Variants in TMEM38B observed in about 807,000 individuals in gnomAD.
TMEM38B encodes the protein transmembrane protein 38B, also known as trimeric intracellular cation channel type B.
A neutral mutation model predicts 28.7 loss-of-function variants in TMEM38B; 24 were observed. The ratio of observed to expected loss-of-function variants is 0.84; its 90% CI spans 0.61 to 1.18. The LOEUF is 1.18. TMEM38B is among the 50% of genes most tolerant of loss of function. The pLI, the probability that TMEM38B is intolerant of heterozygous loss-of-function variation, is 0.00. For missense variants in TMEM38B, 380 were observed against 350.9 expected (o/e 1.08, Z -0.66); for synonymous variants, 131 against 127.7 (o/e 1.03, Z -0.17).
At chr9:105,710,757 G>T in intron 2 of TMEM38B, 1 of 567,954 alleles carries the variant, frequency 1.8e-6, no homozygotes, top group Admixed American at 2.0e-5. Flanking sequence ...GAGACATGTT[G>T]GGGAGACGGC....
At position 105,705,690 on chromosome 9, in the gene TMEM38B, T is replaced by C; in HGVS notation, c.206T>C (p.Leu69Pro). Reference protein sequence around the residue: ...FGGGILSCLLLAEPPLKFLAN... With the variant: ...FGGGILSCLLPAEPPLKFLAN... ...GGAGGAATTTTATCCTGTCTACTGC[T>C]TGCAGAGCCTCCATTGAAGTTTCTT... Residue 69 changes from leucine to proline, a missense_variant, in exon 2 of 6, where the codon CTT (leucine) becomes CCT (proline). Leu to Pro is a moderately conservative substitution (Grantham distance 98). Transcript: ENST00000374692. 1 of 1,614,034 alleles carries C rather than the reference T, an allele frequency of 6.2e-7. No individual in the cohort carries two copies. Among genetic ancestry groups the C allele is most frequent in the East Asian group, 2.2e-5 (1 of 44,864 alleles).
chr9:105,702,873 T>A (rs948375984), intron 1 of TMEM38B: 3 of 151,872 alleles, frequency 2.0e-5, no homozygotes, highest in Non-Finnish European at 4.4e-5. Flanking sequence ...GAGATGGGAG[T>A]CTTGCTATGT....
rs1468017522 is a variant in TMEM38B, at chr9:105,774,354, T to G, written c.*274T>G. 8.8e-6 allele frequency: 2 copies of G among 226,966 alleles called. No homozygotes were observed. The highest frequency in any genetic ancestry group is 1.7e-5 in the Non-Finnish European group (2 of 117,746). 14.1% of individuals were successfully genotyped at this position (226,966 alleles called of 1,614,324 possible). ...TTATATTAATAAAAGAAGACAAAAT[T>G]TTTTAAATGTTAGAAAAAGCAGATC... On this transcript the variant is annotated 3_prime_UTR_variant, in exon 6 of 6. Transcript: ENST00000374692.
chr9:105,696,470 G>A (rs1234749770), intron 1 of TMEM38B, among the ~76,000 whole-genome samples: 1 of 152,028 alleles, frequency 6.6e-6, no homozygotes, highest in Non-Finnish European at 1.5e-5. Context: ...TTTTAGTAGT[G>A]GAGACGGGGT....
chr9:105,715,125 G>A (rs914244846), intron 2 of TMEM38B, among the ~76,000 whole-genome samples: 1 of 152,054 alleles, frequency 6.6e-6, no homozygotes, highest in African/African-American at 2.4e-5. Flanking sequence ...GCACACAGTA[G>A]TCTTAGAGTA....
At chr9:105,750,419 T>C (rs1837604727) in intron 5 of TMEM38B, among the ~76,000 whole-genome samples, 1 of 151,706 alleles carries the variant, frequency 6.6e-6, no homozygotes, top group Admixed American at 6.6e-5. Flanking sequence ...AGGTCAGGAG[T>C]TTGAGACCAG....
chr9:105,744,238 C>T (rs888894179), intron 4 of TMEM38B, among the ~76,000 whole-genome samples: 1 of 151,774 alleles, frequency 6.6e-6, no homozygotes, highest in African/African-American at 2.4e-5. Context: ...AGGCTGTGAA[C>T]AATTTACAAA....
chr9:105,763,689 C>T (rs1193492143), intron 5 of TMEM38B, among the ~76,000 whole-genome samples: 1 of 152,120 alleles, frequency 6.6e-6, no homozygotes, highest in Non-Finnish European at 1.5e-5. Flanking sequence ...TGAAACTATT[C>T]CAATCAATAG....
At chr9:105,720,565 T>G (rs1836278951) in intron 2 of TMEM38B, among the ~76,000 whole-genome samples, 1 of 152,122 alleles carries the variant, frequency 6.6e-6, no homozygotes, top group Non-Finnish European at 1.5e-5. Context: ...CTAAACAGAC[T>G]ATTGTATCTT....
chr9:105,709,623 A>C (rs1327652110), intron 2 of TMEM38B, among the ~76,000 whole-genome samples: 7 of 152,234 alleles, frequency 4.6e-5, no homozygotes, highest in Non-Finnish European at 1.0e-4. Context: ...ATATTTGCTG[A>C]ACATACTGAC....
intron 2 of TMEM38B, among the ~76,000 whole-genome samples, chr9:105,706,425 G>A (rs1218973746): frequency 1.3e-5 from 2 of 152,218 alleles, no homozygotes; most frequent in Non-Finnish European, 2.9e-5. Context: ...GATATTTATT[G>A]TGAGGTACAC....
At chr9:105,736,835 A>G (rs1263894927) in intron 4 of TMEM38B, among the ~76,000 whole-genome samples, 1 of 152,198 alleles carries the variant, frequency 6.6e-6, no homozygotes, top group Non-Finnish European at 1.5e-5. Flanking sequence ...ACACTGGTGT[A>G]GTTTCTGTGC....
intron 5 of TMEM38B, among the ~76,000 whole-genome samples, chr9:105,765,527 G>A (rs1327085871): frequency 6.6e-6 from 1 of 152,114 alleles, no homozygotes; most frequent in East Asian, 1.9e-4. Flanking sequence ...CATAGCCCCA[G>A]TATACCATTT....
chr9:105,765,254 A>G (rs1185515900), intron 5 of TMEM38B, among the ~76,000 whole-genome samples: 1 of 152,244 alleles, frequency 6.6e-6, no homozygotes, highest in Non-Finnish European at 1.5e-5. Context: ...TGCTTTAGCA[A>G]AGTAGCATTT....
intron 5 of TMEM38B, chr9:105,759,291 G>C: frequency 6.4e-6 from 5 of 783,714 alleles, no homozygotes; most frequent in Non-Finnish European, 8.8e-6. Flanking sequence ...TAGAATCCAA[G>C]ATGATCCACA....
intron 4 of TMEM38B, among the ~76,000 whole-genome samples, chr9:105,735,878 T>C (rs974717687): frequency 6.6e-6 from 1 of 152,028 alleles, no homozygotes; most frequent in Non-Finnish European, 1.5e-5. Flanking sequence ...TAAAAAAAAT[T>C]TTTTTAGAGA....
chr9:105,738,385 A>G (rs1279370350), intron 4 of TMEM38B, among the ~76,000 whole-genome samples: 1 of 152,036 alleles, frequency 6.6e-6, no homozygotes, highest in Non-Finnish European at 1.5e-5. Context: ...TCCCTTCTCT[A>G]CATGGCCATA....
intron 2 of TMEM38B, among the ~76,000 whole-genome samples, chr9:105,715,571 A>G (rs1036334176): frequency 2.6e-5 from 4 of 152,080 alleles, no homozygotes; most frequent in South Asian, 2.1e-4. Context: ...TTAAAAATCT[A>G]TATTTCTAAA....
At chr9:105,769,377 A>G (rs1588480636) in intron 5 of TMEM38B, among the ~76,000 whole-genome samples, 1 of 152,198 alleles carries the variant, frequency 6.6e-6, no homozygotes, top group Non-Finnish European at 1.5e-5. Context: ...GTGCAGTGGC[A>G]TGATCACGGC....
Sources: gnomAD v4.1 joint callset for allele counts (sites outside exome capture counted in the v4.1 genomes callset) on GRCh38, gnomAD v4.1.1 for gene constraint, MANE v1.5 for transcripts, NCBI Gene and HGNC (gene_info 2026-07-23, HGNC 2026-07-21) for gene names.